Variants in STK31 observed in about 807,000 individuals in gnomAD.
STK31 encodes serine/threonine kinase 31.
Under a neutral mutation model 129.7 loss-of-function variants are expected in STK31, and 89 were observed. That is an observed-to-expected ratio of 0.69 (90% CI 0.58 to 0.82). The LOEUF is 0.82. Ranked by LOEUF, STK31 falls within the 40% of genes least tolerant of loss-of-function variation. The pLI, the probability that STK31 is intolerant of heterozygous loss-of-function variation, is 0.00. For synonymous variants in STK31, 448 were observed against 395.3 expected (o/e 1.13, Z -1.58); for missense variants, 1,187 against 1,176.4 (o/e 1.01, Z -0.13).
In STK31 at chr7:23,716,157, A is replaced by G. The variant is rs149844078; in HGVS notation, c.151-1324A>G. On this transcript the variant is annotated intron_variant, in intron 3 of 23. Coordinates refer to ENST00000355870, the MANE Select transcript of STK31 (RefSeq NM_031414.5). ...ATCCTTGGTTTCCTTTAACCTCTGA[A>G]TGTTCCTCAGTTTTTCCTTGTATTT... Among the ~76,000 whole-genome samples, 1,254 of 152,254 alleles carry G rather than the reference A, an allele frequency of 8.2e-3. 9 individuals are homozygous for G. The highest frequency in any genetic ancestry group is 0.017 in the Middle Eastern group (5 of 294).
intron 15 of STK31, among the ~76,000 whole-genome samples, chr7:23,776,739 A>G (rs1345653859): frequency 6.6e-6 from 1 of 151,732 alleles, no homozygotes; most frequent in African/African-American, 2.4e-5. Flanking sequence ...CTAGTGGTCT[A>G]TCTATTTTGT....
At chr7:23,732,905 A>T (rs1457223232) in intron 6 of STK31, among the ~76,000 whole-genome samples, 1 of 152,206 alleles carries the variant, frequency 6.6e-6, no homozygotes, top group Non-Finnish European at 1.5e-5. Flanking sequence ...GAAAGAGGTT[A>T]ACTGGAAAAC....
chr7:23,746,420 T>G (rs1168355714), intron 8 of STK31, among the ~76,000 whole-genome samples: 1 of 152,184 alleles, frequency 6.6e-6, no homozygotes, highest in Non-Finnish European at 1.5e-5. Flanking sequence ...TTTATGTGTT[T>G]CCTGTCACTT....
At chr7:23,790,762 A>T in intron 21 of STK31, 62 bp from the exon 22 acceptor site, 1 of 1,398,620 alleles carries the variant, frequency 7.1e-7, no homozygotes, top group Non-Finnish European at 9.4e-7. Context: ...AATGCAGAGT[A>T]CTTCACAGAA....
At chr7:23,817,409 C>A (rs145720446) in intron 23 of STK31, among the ~76,000 whole-genome samples, 295 of 122,394 alleles carry the variant, frequency 2.4e-3, no homozygotes, top group African/African-American at 7.9e-3. Context: ...GAGTAATAAG[C>A]AAGTTCAAAT....
intron 22 of STK31, among the ~76,000 whole-genome samples, chr7:23,800,967 T>C (rs1476057134): frequency 8.5e-5 from 13 of 152,300 alleles, no homozygotes; most frequent in African/African-American, 2.9e-4. Flanking sequence ...TTGCAGAACA[T>C]TTGCATTGTT....
At chr7:23,734,474 A>G (rs1280377603) in intron 6 of STK31, among the ~76,000 whole-genome samples, 1 of 152,238 alleles carries the variant, frequency 6.6e-6, no homozygotes, top group Admixed American at 6.5e-5. Flanking sequence ...TTTAGTAATT[A>G]CAGTTTTATG....
chr7:23,768,154 GCCATAAAATTATA>G (rs1584412152), intron 11 of STK31, among the ~76,000 whole-genome samples: 1 of 152,074 alleles, frequency 6.6e-6, no homozygotes, highest in African/African-American at 2.4e-5. Flanking sequence ...TGGTGGTGGT[GCCATAAAATTATA>G]GTACTTAACT....
intron 22 of STK31, among the ~76,000 whole-genome samples, chr7:23,806,410 G>C (rs376835037): frequency 6.6e-6 from 1 of 152,160 alleles, no homozygotes; most frequent in African/African-American, 2.4e-5. Context: ...ACCAGCTCAC[G>C]TGACTTGTGA....
chr7:23,757,357 G>A (rs985388261), intron 10 of STK31, among the ~76,000 whole-genome samples: 7 of 152,182 alleles, frequency 4.6e-5, no homozygotes, highest in South Asian at 2.1e-4. Context: ...ACCCGCGCCC[G>A]CCGGCAAAGG....
intron 4 of STK31, among the ~76,000 whole-genome samples, chr7:23,718,974 G>C (rs1372914989): frequency 6.6e-6 from 1 of 152,056 alleles, no homozygotes; most frequent in Non-Finnish European, 1.5e-5. Context: ...ATTTATGAGA[G>C]TTATAGTTCC....
chr7:23,755,595 A>G (rs2128095090), intron 10 of STK31, among the ~76,000 whole-genome samples: 1 of 152,198 alleles, frequency 6.6e-6, no homozygotes, highest in African/African-American at 2.4e-5. Context: ...CCTGAACGCT[A>G]TTGCCTGGGT....
At chr7:23,795,144 C>T (rs187425066) in intron 22 of STK31, among the ~76,000 whole-genome samples, 2 of 152,310 alleles carry the variant, frequency 1.3e-5, no homozygotes, top group African/African-American at 4.8e-5. Context: ...CCATCACAGG[C>T]ACAGAGGCCT....
intron 15 of STK31, among the ~76,000 whole-genome samples, chr7:23,778,840 C>A (rs1790723798): frequency 6.6e-6 from 1 of 152,110 alleles, no homozygotes; most frequent in Non-Finnish European, 1.5e-5. Flanking sequence ...TCTGTCAATT[C>A]ATCAAACTCA....
chr7:23,737,712 C>T (rs1297113308), intron 8 of STK31, among the ~76,000 whole-genome samples: 1 of 152,152 alleles, frequency 6.6e-6, no homozygotes, highest in African/African-American at 2.4e-5. Context: ...GTTGATATTT[C>T]TCTTAAATTG....
chr7:23,720,138 C>A (rs936110211), intron 4 of STK31, among the ~76,000 whole-genome samples: 2 of 151,906 alleles, frequency 1.3e-5, no homozygotes, highest in African/African-American at 4.8e-5. Flanking sequence ...ATATTAAGTA[C>A]AAAATGAAAG....
chr7:23,769,588 A>G (rs367705725), intron 12 of STK31, 52 bp from the exon 13 acceptor site: 4 of 1,239,504 alleles, frequency 3.2e-6, no homozygotes, highest in Non-Finnish European at 4.7e-6. Context: ...AGGCACGATG[A>G]ATGCTGATTG....
intron 22 of STK31, among the ~76,000 whole-genome samples, chr7:23,794,545 C>T (rs1051548032): frequency 6.6e-6 from 1 of 152,120 alleles, no homozygotes; most frequent in Non-Finnish European, 1.5e-5. Flanking sequence ...GTGGAAGCAG[C>T]TTTGGAACTG....
At position 23,727,249 on chromosome 7, in the gene STK31, T is replaced by C; in HGVS notation, c.258T>C (p.Gly86=). 1 of 1,613,590 alleles carries C rather than the reference T, an allele frequency of 6.2e-7. No homozygotes were observed. The highest frequency in any genetic ancestry group is 8.5e-7 in the Non-Finnish European group (1 of 1,179,700). Residue 86 remains glycine, a synonymous_variant, in exon 5 of 24, where the codon GGT becomes GGC. Coordinates refer to ENST00000355870, the MANE Select transcript of STK31 (RefSeq NM_031414.5). Reference sequence around the variant, plus strand: ...TTCTTTTCTCTTTGTAGATTTATGGTGGATTATTTTCTGAAGATCAGTGTT... The same window carrying C: ...TTCTTTTCTCTTTGTAGATTTATGGCGGATTATTTTCTGAAGATCAGTGTT... ...LGNLDPNKIY[G]GLFSEDQCWY...
Sources: allele counts gnomAD v4.1 joint callset (sites outside exome capture counted in the v4.1 genomes callset), GRCh38; gene constraint gnomAD v4.1.1; transcripts MANE v1.5; gene names NCBI Gene and HGNC (gene_info 2026-07-23, HGNC 2026-07-21).